Variants in ZNF329 observed in about 807,000 individuals in gnomAD.
ZNF329 encodes the protein zinc finger protein 329.
In ZNF329, 15 loss-of-function variants were observed where a neutral mutation model predicts 26.6. The observed-to-expected ratio is 0.56, with a 90% CI of 0.38 to 0.87. ZNF329 has a LOEUF of 0.87. Ranked by LOEUF, ZNF329 falls within the 40% of genes least tolerant of loss-of-function variation. ZNF329 has a pLI of 0.00. For synonymous variants in ZNF329, 239 were observed against 233.5 expected (o/e 1.02, Z -0.21); for missense variants, 651 against 651.9 (o/e 1.00, Z 0.02).
chr19:58,135,055 G>GTT (rs945989159), intron 3 of ZNF329, among the ~76,000 whole-genome samples: 1 of 151,096 alleles, frequency 6.6e-6, no homozygotes, highest in African/African-American at 2.4e-5. Context: ...GTTTTTTGAG[G>GTT]TTTTTTTTTC....
chr19:58,129,805 C>A (rs190560397), intron 3 of ZNF329, among the ~76,000 whole-genome samples: 2 of 152,154 alleles, frequency 1.3e-5, no homozygotes, highest in African/African-American at 4.8e-5. Flanking sequence ...AGAGGCCAAG[C>A]ATCCCTGCTC....
chr19:58,134,269 A>G (rs1330097629), intron 3 of ZNF329, among the ~76,000 whole-genome samples: 1 of 152,214 alleles, frequency 6.6e-6, no homozygotes, highest in Admixed American at 6.5e-5. Context: ...ATAGTACTGA[A>G]GTTGAAAAAC....
intron 1 of ZNF329, among the ~76,000 whole-genome samples, chr19:58,149,733 T>C (rs534069955): frequency 6.6e-6 from 1 of 152,078 alleles, no homozygotes; most frequent in Non-Finnish European, 1.5e-5. Context: ...TGGCAAAAAA[T>C]AAAGGACCTT....
intron 1 of ZNF329, among the ~76,000 whole-genome samples, chr19:58,147,471 G>A (rs570127258): frequency 4.1e-5 from 6 of 145,928 alleles, no homozygotes; most frequent in South Asian, 4.3e-4. Context: ...GGTGAGGGGC[G>A]CCTCTGCCCA....
intron 1 of ZNF329, among the ~76,000 whole-genome samples, chr19:58,148,208 G>C (rs2075369601): frequency 6.6e-6 from 1 of 151,538 alleles, no homozygotes. Context: ...CTCCTTAAGA[G>C]TCATCACCAC....
At chr19:58,134,192 C>T (rs2075015115) in intron 3 of ZNF329, among the ~76,000 whole-genome samples, 1 of 152,186 alleles carries the variant, frequency 6.6e-6, no homozygotes, top group African/African-American at 2.4e-5. Context: ...GCCACGGATG[C>T]TGCTAAATAT....
In ZNF329 at chr19:58,129,456, G is replaced by A. The variant is rs1172349407; in HGVS notation, c.48C>T (p.Pro16=). ...TTRNFPEREV[P]CDVEVERFTR... Reference sequence around the variant, plus strand: ...TGAATCTTTCCACTTCTACATCACAGGGTACTTCTCTCTCAGGAAAATTCC... The same window carrying A: ...TGAATCTTTCCACTTCTACATCACAAGGTACTTCTCTCTCAGGAAAATTCC... Residue 16 remains proline (P), a synonymous_variant, in exon 4 of 4, where the codon CCC becomes CCT. Transcript: ENST00000598312. 1 of 1,610,040 alleles carries A rather than the reference G, an allele frequency of 6.2e-7. No homozygotes were observed. Among genetic ancestry groups the A allele is most frequent in the Non-Finnish European group, 8.5e-7 (1 of 1,178,226 alleles).
upstream of ZNF329, among the ~76,000 whole-genome samples, chr19:58,153,028 TTAA>T (rs2075485763): frequency 6.6e-6 from 1 of 152,140 alleles, no homozygotes; most frequent in Non-Finnish European, 1.5e-5. Context: ...CATAACATCA[TTAA>T]TAATAACAAG....
At chr19:58,140,055 A>C (rs1166465716) in intron 3 of ZNF329, among the ~76,000 whole-genome samples, 1 of 152,178 alleles carries the variant, frequency 6.6e-6, no homozygotes, top group Non-Finnish European at 1.5e-5. Context: ...TGTCCACACC[A>C]AATCTCATGC....
chr19:58,144,055 C>T (rs1462754171), intron 1 of ZNF329, among the ~76,000 whole-genome samples: 3 of 151,222 alleles, frequency 2.0e-5, no homozygotes, highest in East Asian at 1.9e-4. Context: ...CACTCCAGCC[C>T]GGGCAACAAC....
In ZNF329 at chr19:58,128,153, C is replaced by T. The variant is rs1285719582; in HGVS notation, c.1351G>A (p.Gly451Ser). 11 of 1,587,254 alleles carry T rather than the reference C, an allele frequency of 6.9e-6. No homozygotes were observed. The highest frequency in any genetic ancestry group is 3.5e-5 in the South Asian group (3 of 86,198). Residue 451 changes from glycine to serine, a missense_variant, in exon 4 of 4, where the codon GGT (glycine) becomes AGT (serine). By Grantham distance (56) the Gly-to-Ser change is moderately conservative. Coordinates refer to ENST00000598312, the MANE Select transcript of ZNF329 (RefSeq NM_024620.4). ...GLIRHQRTHT[G>S]EKPYECNQCG... ...TGATTACACTCATAGGGCTTCTCAC[C>T]AGTATGAGTCCTCTGGTGCCTAATG...
At chr19:58,150,300 G>C (rs1273100192) in intron 1 of ZNF329, among the ~76,000 whole-genome samples, 3 of 152,194 alleles carry the variant, frequency 2.0e-5, no homozygotes, top group Admixed American at 6.5e-5. Context: ...ACTGGCTCAC[G>C]GCCGCCAATT....
chr19:58,128,441 C>T lies in ZNF329; in HGVS notation c.1063G>A (p.Gly355Ser), dbSNP rs200592036. ...CSKCGKAFRD[G>S]SYLTQHERTH... ...CTCTCATGCTGGGTGAGGTACGAGC[C>T]GTCCCGGAAAGCCTTTCCACATTTG... is the stretch of plus-strand genomic sequence containing the variant. The change falls in exon 4 of 4, where the codon GGC becomes AGC. Residue 355 changes from glycine to serine, a missense_variant. Physicochemically the swap from Gly to Ser is moderately conservative, Grantham distance 56 (BLOSUM62 0). Coordinates refer to ENST00000598312, the MANE Select transcript of ZNF329 (RefSeq NM_024620.4). The T allele has an allele frequency of 2.5e-5, 41 of 1,612,688 alleles. No individual in the cohort carries two copies. In the East Asian group the frequency reaches 4.5e-4, roughly 18 times the overall value.
At chr19:58,132,199 G>C (rs1444059156) in intron 3 of ZNF329, 1 of 152,192 alleles carries the variant, frequency 6.6e-6, no homozygotes, top group Non-Finnish European at 1.5e-5. Flanking sequence ...TAGGTCACAA[G>C]GGAAGAGGGC....
intron 1 of ZNF329, among the ~76,000 whole-genome samples, chr19:58,147,042 T>C (rs913267088): frequency 3.4e-5 from 5 of 148,538 alleles, no homozygotes; most frequent in African/African-American, 5.0e-5. Flanking sequence ...CCCCTCTGCC[T>C]GGCTGCCCAG....
chr19:58,153,563 G>A (rs2075494073), upstream of ZNF329, among the ~76,000 whole-genome samples: 1 of 152,208 alleles, frequency 6.6e-6, no homozygotes. Flanking sequence ...AAACAAGTGT[G>A]ACTGCATTCC....
intron 3 of ZNF329, among the ~76,000 whole-genome samples, chr19:58,137,566 A>G (rs934159935): frequency 6.8e-5 from 10 of 148,030 alleles, no homozygotes; most frequent in Non-Finnish European, 1.4e-4. Flanking sequence ...GAAAAAAAAA[A>G]TCGCAGCAGA....
upstream of ZNF329, among the ~76,000 whole-genome samples, chr19:58,153,402 G>A (rs939122966): frequency 1.1e-4 from 16 of 152,274 alleles, no homozygotes; most frequent in South Asian, 4.1e-4. Flanking sequence ...GAGCCACTGC[G>A]CCTGGCCACA....
At chr19:58,132,474 A>G (rs159668) in intron 3 of ZNF329, 116,707 of 150,930 alleles carry the variant, frequency 0.77, 45,474 homozygotes, top group Non-Finnish European at 0.84. Flanking sequence ...TGGATCACCT[A>G]AGGTCAGGAG....
Sources: allele counts gnomAD v4.1 joint callset (sites outside exome capture counted in the v4.1 genomes callset), GRCh38; gene constraint gnomAD v4.1.1; transcripts MANE v1.5; gene names NCBI Gene and HGNC (gene_info 2026-07-23, HGNC 2026-07-21).